The following APCDD1L variants were observed in gnomAD, a reference collection of about 807,000 sequenced individuals.
APCDD1L encodes the protein protein APCDD1-like.
APCDD1L carries 21 observed loss-of-function variants against 24.2 expected under a neutral mutation model. That is an observed-to-expected ratio of 0.87 (90% CI 0.61 to 1.25). APCDD1L has a LOEUF of 1.25. Ranked by LOEUF, APCDD1L falls within the 50% of genes most tolerant of loss-of-function variation. The pLI, the probability that APCDD1L is intolerant of heterozygous loss-of-function variation, is 0.00. For missense variants in APCDD1L, 704 were observed against 711.7 expected, an observed-to-expected ratio of 0.99 and a Z score of 0.12; for synonymous variants, 321 against 323.6, an observed-to-expected ratio of 0.99 and a Z score of 0.09.
intron 1 of APCDD1L, among the ~76,000 whole-genome samples, chr20:58,484,881 A>G (rs933768953): frequency 3.7e-4 from 56 of 152,300 alleles, no homozygotes; most frequent in African/African-American, 1.3e-3. Flanking sequence ...GCTTCCTTCA[A>G]ACAGAATCAC....
intron 1 of APCDD1L, among the ~76,000 whole-genome samples, chr20:58,496,352 C>T (rs561429539): frequency 1.3e-5 from 2 of 152,354 alleles, no homozygotes; most frequent in African/African-American, 4.8e-5. Flanking sequence ...CAGGTGCCAG[C>T]CTGGGGCAGG....
At chr20:58,471,620 C>T (rs867655461) in intron 1 of APCDD1L, among the ~76,000 whole-genome samples, 1 of 152,230 alleles carries the variant, frequency 6.6e-6, no homozygotes, top group Admixed American at 6.5e-5. Context: ...GATCTTTTCT[C>T]GGGCTGCTGA....
rs900449285 is a variant in APCDD1L at position 58,508,652 on chromosome 20, G to A, written c.49+6007C>T. Among the ~76,000 whole-genome samples the A allele has an allele frequency of 1.3e-5, 2 of 152,146 alleles. No homozygotes were observed. The highest frequency in any genetic ancestry group is 2.9e-5 in the Non-Finnish European group (2 of 68,028). ...GGGCCCTTCAGTGCAGCTGTGACTGGGGTTCCCGTCTGCCACTGCTTACAC... is the reference window on the plus strand; with the variant it reads ...GGGCCCTTCAGTGCAGCTGTGACTGAGGTTCCCGTCTGCCACTGCTTACAC... On this transcript the variant is annotated intron_variant, in intron 1 of 3. Transcript: ENST00000371149. This position sits in a 1 kb window ranked among gnomAD's most constrained non-coding sequence, Gnocchi z 4.0.
chr20:58,470,974 T>A (rs1418390207), intron 1 of APCDD1L, among the ~76,000 whole-genome samples: 1 of 152,186 alleles, frequency 6.6e-6, no homozygotes, highest in Non-Finnish European at 1.5e-5. Flanking sequence ...GGTTCCCAGA[T>A]GTGATCACCC....
In APCDD1L at chr20:58,497,205, AG is replaced by A. The variant is rs565595256; in HGVS notation, c.49+17453del. ...TGGTGAAAGGGGCCTCCTGGGGGTG[AG>A]GGGGCATGCAGCGGGTGGAGGCTGA... On this transcript the variant is annotated intron_variant, in intron 1 of 3. Transcript: ENST00000371149. The surrounding 1 kb of genome is among the most constrained non-coding windows in gnomAD (Gnocchi z 4.3). Among the ~76,000 whole-genome samples the A allele has an allele frequency of 7.7e-5, 11 of 142,720 alleles. No homozygotes were observed. The highest frequency in any genetic ancestry group is 2.6e-4 in the African/African-American group (10 of 38,682). The allele number at this position is 142,720 out of a possible 152,430, so 93.6% of individuals were successfully genotyped here.
intron 1 of APCDD1L, among the ~76,000 whole-genome samples, chr20:58,485,422 A>C (rs1173474130): frequency 1.3e-5 from 2 of 152,236 alleles, no homozygotes; most frequent in African/African-American, 4.8e-5. Context: ...CATTTTTACA[A>C]GTCTAACATA....
At chr20:58,470,820 C>G in intron 1 of APCDD1L, 73 bp from the exon 2 acceptor site, 1 of 1,468,788 alleles carries the variant, frequency 6.8e-7, no homozygotes, top group African/African-American at 1.4e-5. Context: ...CCTCCCAACC[C>G]CACTGTGGCC....
intron 1 of APCDD1L, among the ~76,000 whole-genome samples, chr20:58,485,143 TACACACAC>T (rs3069429): frequency 5.3e-5 from 8 of 149,600 alleles, no homozygotes; most frequent in South Asian, 2.1e-4. Context: ...TAGGTTGTGG[TACACACAC>T]ACACACACAC....
intron 3 of APCDD1L, among the ~76,000 whole-genome samples, chr20:58,465,413 G>A (rs4811997): frequency 0.088 from 13,442 of 152,150 alleles, 1,414 homozygotes; most frequent in East Asian, 0.26. Flanking sequence ...ATAACAAGTG[G>A]GTACTACCAG....
intron 1 of APCDD1L, chr20:58,514,057 G>A (rs1990685595): frequency 2.2e-6 from 2 of 929,104 alleles, no homozygotes; most frequent in Non-Finnish European, 2.9e-6. Flanking sequence ...CCCCCACGAA[G>A]AGCCACCAGG....
chr20:58,480,135 G>A (rs1471592497), intron 1 of APCDD1L, among the ~76,000 whole-genome samples: 2 of 152,128 alleles, frequency 1.3e-5, no homozygotes, highest in African/African-American at 2.4e-5. Context: ...GAGAATCTTC[G>A]TGTTCAGGGC....
rs953835279 is a variant in APCDD1L at position 58,460,685 on chromosome 20, C to A, written c.*105G>T. 7.4e-7 allele frequency: 1 copy of A among 1,358,964 alleles called. No individual in the cohort carries two copies. The highest frequency in any genetic ancestry group is 1.5e-5 in the African/African-American group (1 of 68,320). 84.2% of individuals were successfully genotyped at this position (1,358,964 alleles called of 1,614,324 possible). A position where few individuals can be genotyped will look rare whatever the true frequency, so the allele number is the denominator to read the frequency against. On this transcript the variant is annotated 3_prime_UTR_variant, in exon 4 of 4. Coordinates refer to ENST00000371149, the MANE Select transcript of APCDD1L (RefSeq NM_153360.3). The surrounding 1 kb of genome is among the most constrained non-coding windows in gnomAD (Gnocchi z 4.2). ...GGAAGCAGTGGGGCTGTGCATCCATCCATGACAGAGCAGAGGAGAATGGTT... is the reference window on the plus strand; with the variant it reads ...GGAAGCAGTGGGGCTGTGCATCCATACATGACAGAGCAGAGGAGAATGGTT...
chr20:58,478,981 G>T (rs780722995), intron 1 of APCDD1L, among the ~76,000 whole-genome samples: 6 of 152,048 alleles, frequency 3.9e-5, no homozygotes, highest in Non-Finnish European at 8.8e-5. Flanking sequence ...GCGAATGCCA[G>T]GTGCTTTGCT....
chr20:58,491,290 G>A (rs1990220942), intron 1 of APCDD1L, among the ~76,000 whole-genome samples: 1 of 152,132 alleles, frequency 6.6e-6, no homozygotes, highest in African/African-American at 2.4e-5. Context: ...AGAAATAAAA[G>A]GCATAAGTAT....
intron 1 of APCDD1L, among the ~76,000 whole-genome samples, chr20:58,473,962 T>C (rs1351951703): frequency 6.6e-6 from 1 of 152,214 alleles, no homozygotes; most frequent in East Asian, 1.9e-4. Context: ...TTGAGGCCGA[T>C]GTGTTATCCT....
At chr20:58,472,801 T>C (rs1208353435) in intron 1 of APCDD1L, among the ~76,000 whole-genome samples, 1 of 152,242 alleles carries the variant, frequency 6.6e-6, no homozygotes, top group African/African-American at 2.4e-5. Context: ...TTGTCTCAAC[T>C]TGGCACGTCT....
chr20:58,515,271 G>A lies in APCDD1L; in HGVS notation c.-564C>T, dbSNP rs1245111548. 1 of 210,964 alleles carries A rather than the reference G, an allele frequency of 4.7e-6. No individual in the cohort carries two copies. The highest frequency in any genetic ancestry group is 9.3e-6 in the Non-Finnish European group (1 of 107,432). 13.1% of individuals were successfully genotyped at this position (210,964 alleles called of 1,614,324 possible). On this transcript the variant is annotated 5_prime_UTR_variant, in exon 1 of 4. Transcript: ENST00000371149. Reference sequence around the variant, plus strand: ...CTCCTGGAAAAGTCGCGTCAACTTGGATCCCAGCAAACCCAGAAGCGCAGT... The same window carrying A: ...CTCCTGGAAAAGTCGCGTCAACTTGAATCCCAGCAAACCCAGAAGCGCAGT...
At chr20:58,503,012 G>A (rs1326701139) in intron 1 of APCDD1L, among the ~76,000 whole-genome samples, 3 of 152,100 alleles carry the variant, frequency 2.0e-5, no homozygotes, top group African/African-American at 4.8e-5. Flanking sequence ...CCGGAATTCC[G>A]ACTTTTCCGG....
chr20:58,499,789 C>T (rs1003307475), intron 1 of APCDD1L, among the ~76,000 whole-genome samples: 3 of 152,236 alleles, frequency 2.0e-5, no homozygotes, highest in Admixed American at 6.5e-5. Context: ...CCTGTCTCTC[C>T]TCTCTCCAGC....
Sources: gnomAD v4.1 joint callset for allele counts (sites outside exome capture counted in the v4.1 genomes callset) on GRCh38, gnomAD v4.1.1 for gene constraint, Gnocchi (gnomAD v3.1) non-coding constraint, MANE v1.5 for transcripts, NCBI Gene and HGNC (gene_info 2026-07-23, HGNC 2026-07-21) for gene names.